Variants in SON observed in about 807,000 individuals in gnomAD.
SON encodes protein SON.
In SON, 4 loss-of-function variants were observed where a neutral mutation model predicts 173.3. The observed-to-expected ratio is 0.02, with a 90% CI of 0.01 to 0.05. SON has a LOEUF of 0.05. Ranked by LOEUF, SON falls within the 10% of genes least tolerant of loss-of-function variation. The probability of loss-of-function intolerance (pLI) is 1.00; values close to 1 mark genes in which losing one functional copy is unlikely to be tolerated. For synonymous variants in SON, 1,190 were observed against 1,105.9 expected (o/e 1.08, Z -1.51); for missense variants, 2,626 against 3,055.3 (o/e 0.86, Z 3.31).
rs539280674 is a variant in SON at position 33,577,270 on chromosome 21, C to T, written c.*846C>T. ...TGAATTTCAGCTACACCTAGATAGA[C>T]GTAAAATGATAATTAAAATGCTGTA... On this transcript the variant is annotated 3_prime_UTR_variant, in exon 12 of 12. Coordinates refer to ENST00000356577, the MANE Select transcript of SON (RefSeq NM_138927.4). 34 of 152,518 alleles carry T rather than the reference C, an allele frequency of 2.2e-4. No individual in the cohort carries two copies. The highest frequency in any genetic ancestry group is 5.8e-4 in the African/African-American group (24 of 41,500). 9.4% of individuals were successfully genotyped at this position (152,518 alleles called of 1,614,324 possible).
chr21:33,543,142 T>G lies in SON; in HGVS notation c.50T>G (p.Phe17Cys). 6.2e-7 allele frequency: 1 copy of G among 1,614,212 alleles called. No homozygotes were observed. The highest frequency in any genetic ancestry group is 1.3e-5 in the African/African-American group (1 of 75,054). The change falls in exon 1 of 12, where the codon TTC becomes TGC. Residue 17 changes from phenylalanine to cysteine, a missense_variant. By Grantham distance (205) the Phe-to-Cys change is radical. This residue lies in a region of SON where 757 missense variants were observed against 730.1 expected (regional missense o/e 1.04). Coordinates refer to ENST00000356577, the MANE Select transcript of SON (RefSeq NM_138927.4). ...QIFRSFVVSK[F>C]REIQQELSSG... is the part of the protein sequence containing the mutation. ...TTTAGGTCTTTCGTGGTCAGTAAAT[T>G]CCGGGAAATTCAACAGGAGCTTTCC...
chr21:33,555,037 C>T lies in SON; in HGVS notation c.5806C>T (p.Arg1936Cys), dbSNP rs2085930349. The T allele has an allele frequency of 8.7e-6, 14 of 1,612,912 alleles. No homozygotes were observed. Among genetic ancestry groups the T allele is most frequent in the South Asian group, 4.4e-5 (4 of 91,080 alleles). ...SRRSRSHTPS[R>C]RRRSRSVGRR... The stretch of plus-strand genomic sequence containing the variant: ...TCGGAGTCGGAGTCATACTCCAAGT[C>T]GTCGACGAAGGTCTAGATCTGTGGG... Residue 1936 changes from arginine to cysteine, a missense_variant, in exon 3 of 12, where the codon CGT (arginine) becomes TGT (cysteine). Coordinates refer to ENST00000356577, the MANE Select transcript of SON (RefSeq NM_138927.4).
intron 8 of SON, chr21:33,572,582 G>T: frequency 1.5e-6 from 2 of 1,304,068 alleles, no homozygotes; most frequent in Non-Finnish European, 2.0e-6. Flanking sequence ...TTCTTGCCCC[G>T]GTCAGTGCCA....
At position 33,559,509 on chromosome 21, in the gene SON, C is replaced by T; in HGVS notation, c.6469-78C>T. The T allele has an allele frequency of 6.8e-7, 1 of 1,469,180 alleles. No individual in the cohort carries two copies. 91.0% of individuals were successfully genotyped at this position (1,469,180 alleles called of 1,614,324 possible). A position where few individuals can be genotyped will look rare whatever the true frequency, so the allele number is the denominator to read the frequency against. ...AAATAATGGATAATATCATTTCCTT[C>T]AGATTATGTAGAAAATCTCAAACCA... On this transcript the variant is annotated intron_variant, in intron 5 of 11. Transcript: ENST00000356577. This position sits in a 1 kb window ranked among gnomAD's most constrained non-coding sequence, Gnocchi z 4.1.
At chr21:33,565,538 A>C (rs2086151136) in intron 6 of SON, among the ~76,000 whole-genome samples, 1 of 152,196 alleles carries the variant, frequency 6.6e-6, no homozygotes, top group African/African-American at 2.4e-5. Context: ...CTGCATTCTC[A>C]TTAAAGTCCC....
rs150326441 is a variant in SON, at chr21:33,553,407, G to A, written c.4176G>A (p.Pro1392=). Residue 1392 remains proline, a synonymous_variant, in exon 3 of 12, where the codon CCG becomes CCA. Transcript: ENST00000356577. The part of the protein sequence containing the change: ...TVLEPSVVTV[P]EPPVVAEPDY... Reference sequence around the variant, plus strand: ...TGGAGCCTTCGGTTGTGACTGTCCCGGAGCCTCCTGTTGTGGCTGAGCCAG... The same window carrying A: ...TGGAGCCTTCGGTTGTGACTGTCCCAGAGCCTCCTGTTGTGGCTGAGCCAG... 716 of 1,613,752 alleles carry A rather than the reference G, an allele frequency of 4.4e-4. 6 individuals carry two copies. The African/African-American group carries it at 5.9e-3, about 13-fold the overall frequency.
intron 6 of SON, chr21:33,560,247 T>C (rs2086046097): frequency 1.3e-6 from 2 of 1,488,810 alleles, no homozygotes; most frequent in African/African-American, 2.8e-5. Context: ...ACATAGCCCA[T>C]TGCCCTTAAT....
At chr21:33,543,555 A>G (rs2085522771) in intron 1 of SON, 1 of 256,750 alleles carries the variant, frequency 3.9e-6, no homozygotes, top group African/African-American at 2.3e-5. Context: ...GCCTCCGCGG[A>G]TTTTGCCGGC....
At chr21:33,545,433 A>G (rs995908604) in intron 1 of SON, among the ~76,000 whole-genome samples, 2 of 152,232 alleles carry the variant, frequency 1.3e-5, no homozygotes, top group African/African-American at 4.8e-5. Flanking sequence ...AATTGAAGTT[A>G]AAATCAAACT....
chr21:33,573,165 T>G (rs2086324798), intron 8 of SON, 143 bp from the exon 9 acceptor site: 1 of 638,598 alleles, frequency 1.6e-6, no homozygotes, highest in Admixed American at 3.0e-5. Flanking sequence ...ACAGTATGTA[T>G]AAAGTATAGA....
rs372128368 is a variant in SON, at chr21:33,555,258, C to T, written c.6027C>T (p.Ser2009=). 6.2e-7 allele frequency: 1 copy of T among 1,612,596 alleles called. No homozygotes were observed. The highest frequency in any genetic ancestry group is 1.3e-5 in the African/African-American group (1 of 74,876). The part of the protein sequence containing the change: ...RRSRSVVRRR[S]FSISPVRLRR... ...CAAGGTCTGTGGTAAGAAGACGAAG[C>T]TTCAGTATCTCACCAGTCAGATTAA... Residue 2009 remains serine (S), a synonymous_variant, in exon 3 of 12, where the codon AGC becomes AGT. Coordinates refer to ENST00000356577, the MANE Select transcript of SON (RefSeq NM_138927.4).
In SON at chr21:33,550,454, C is replaced by T. The variant is rs773905901; in HGVS notation, c.1223C>T (p.Pro408Leu). The T allele has an allele frequency of 6.8e-6, 11 of 1,613,668 alleles. No individual in the cohort carries two copies. In the East Asian group the frequency reaches 8.9e-5, roughly 13 times the overall value. The change falls in exon 3 of 12, where the codon CCC (proline) becomes CTC (leucine). Residue 408 changes from proline to leucine, a missense_variant. This residue lies in a region of SON where 757 missense variants were observed against 730.1 expected (regional missense o/e 1.04). Transcript: ENST00000356577. ...PVTPVLELPG[P>L]SATPVPELPG... ...ACTCCAGTGCTGGAGTTACCTGGGCCCTCTGCTACCCCGGTGCCAGAGTTG... is the reference window on the plus strand; with the variant it reads ...ACTCCAGTGCTGGAGTTACCTGGGCTCTCTGCTACCCCGGTGCCAGAGTTG...
At position 33,559,533 on chromosome 21, in the gene SON, C is replaced by T. The variant is rs2086030207; in HGVS notation, c.6469-54C>T. 6.6e-7 allele frequency: 1 copy of T among 1,513,344 alleles called. No homozygotes were observed. Among genetic ancestry groups the T allele is most frequent in the Admixed American group, 2.1e-5 (1 of 47,480 alleles). 93.7% of individuals were successfully genotyped at this position (1,513,344 alleles called of 1,614,324 possible). A position where few individuals can be genotyped will look rare whatever the true frequency, so the allele number is the denominator to read the frequency against. ...TCAGATTATGTAGAAAATCTCAAAC[C>T]ATTTAATGTAGATATCATATTGAGC... is the stretch of plus-strand genomic sequence containing the variant. On this transcript the variant is annotated intron_variant, in intron 5 of 11. Transcript: ENST00000356577. The surrounding 1 kb of genome is among the most constrained non-coding windows in gnomAD (Gnocchi z 4.1).
In SON at chr21:33,550,389, A is replaced by G. The variant is rs2085740371; in HGVS notation, c.1158A>G (p.Pro386=). 6.2e-7 allele frequency: 1 copy of G among 1,612,900 alleles called. No homozygotes were observed. Among genetic ancestry groups the G allele is most frequent in the African/African-American group, 1.3e-5 (1 of 74,582 alleles). ...SVASAMELPG[P]PATSMPELQG... is the part of the protein sequence containing the mutation. Reference sequence around the variant, plus strand: ...CCTCAGCGATGGAGTTGCCGGGGCCACCTGCGACCTCCATGCCGGAGTTGC... The same window carrying G: ...CCTCAGCGATGGAGTTGCCGGGGCCGCCTGCGACCTCCATGCCGGAGTTGC... The change falls in exon 3 of 12, where the codon CCA becomes CCG. Residue 386 remains proline, a synonymous_variant. Coordinates refer to ENST00000356577, the MANE Select transcript of SON (RefSeq NM_138927.4).
At chr21:33,572,417 C>T (rs967262234) in intron 8 of SON, 3 of 439,248 alleles carry the variant, frequency 6.8e-6, no homozygotes, top group Non-Finnish European at 1.4e-5. Context: ...TGTATATATA[C>T]TTGTGCATCT....
Position 33,554,750 on chromosome 21 carries a change from C to T in SON, c.5519C>T (p.Thr1840Ile). 6.2e-7 allele frequency: 1 copy of T among 1,613,838 alleles called. No individual in the cohort carries two copies. The highest frequency in any genetic ancestry group is 8.5e-7 in the Non-Finnish European group (1 of 1,180,018). ...TCTGAACACAAATCACGCAAGCGTA[C>T]CAGTGAATCTCGTTCTAGGGCAAGA... ...KSSEHKSRKRTSESRSRARKR... is the reference protein window; with the variant it reads ...KSSEHKSRKRISESRSRARKR... Residue 1840 changes from threonine (T) to isoleucine (I), a missense_variant, in exon 3 of 12, where the codon ACC (threonine) becomes ATC (isoleucine). Transcript: ENST00000356577.
intron 2 of SON, among the ~76,000 whole-genome samples, 170 bp from the exon 3 acceptor site, chr21:33,549,306 C>T (rs375354446): frequency 1.3e-3 from 195 of 152,234 alleles, no homozygotes; most frequent in Middle Eastern, 6.8e-3. Flanking sequence ...AACTCCTGAC[C>T]TCATGATCCA....
At chr21:33,571,302 C>T (rs2086279558) in intron 8 of SON, among the ~76,000 whole-genome samples, 1 of 152,100 alleles carries the variant, frequency 6.6e-6, no homozygotes, top group Non-Finnish European at 1.5e-5. Flanking sequence ...GATGTATGAT[C>T]CATGTTAAAT....
In SON at chr21:33,561,298, A is replaced by G. The variant is rs186758571; in HGVS notation, c.6657+1523A>G. Among the ~76,000 whole-genome samples, 244 of 152,332 alleles carry G rather than the reference A, an allele frequency of 1.6e-3. 1 individual carries two copies. The highest frequency in any genetic ancestry group is 0.016 in the Admixed American group (242 of 15,302). ...GCTACCTGCATATCTCAAGAGAGAA[A>G]GGTTAACTGACATGTGCAGCTGACT... is the stretch of plus-strand genomic sequence containing the variant. On this transcript the variant is annotated intron_variant, in intron 6 of 11. Transcript: ENST00000356577.
Sources: gnomAD v4.1 joint callset for allele counts (sites outside exome capture counted in the v4.1 genomes callset) on GRCh38, gnomAD v4.1.1 for gene constraint, gnomAD v4.1.1 regional missense constraint, Gnocchi (gnomAD v3.1) non-coding constraint, MANE v1.5 for transcripts, NCBI Gene and HGNC (gene_info 2026-07-23, HGNC 2026-07-21) for gene names.